The following ZNF138 variants were observed in gnomAD, a reference collection of about 807,000 sequenced individuals.
ZNF138 encodes zinc finger protein 138, also known as zinc finger protein 138 (clone pHZ-32).
Under a neutral mutation model 33.0 loss-of-function variants are expected in ZNF138, and 33 were observed. That is an observed-to-expected ratio of 1.00 (90% CI 0.76 to 1.34). ZNF138 has a LOEUF of 1.34. ZNF138 is among the 40% of genes most tolerant of loss of function. The pLI, the probability that ZNF138 is intolerant of heterozygous loss-of-function variation, is 0.00. For missense variants in ZNF138, 360 were observed against 370.8 expected, an observed-to-expected ratio of 0.97 and a Z score of 0.24; for synonymous variants, 139 against 120.4, an observed-to-expected ratio of 1.15 and a Z score of -1.01.
Position 64,831,552 on chromosome 7 carries a change from A to G in ZNF138, c.310A>G (p.Asn104Asp). The G allele has an allele frequency of 1.9e-6, 3 of 1,613,666 alleles. No homozygotes were observed. Among genetic ancestry groups the G allele is most frequent in the Non-Finnish European group, 1.7e-6 (2 of 1,179,836 alleles). ...LSRYGKYGHKNLQLRKGCKSV... is the reference protein window; with the variant it reads ...LSRYGKYGHKDLQLRKGCKSV... ...CAGATATGGAAAATATGGACATAAG[A>G]ATTTACAGTTAAGAAAAGGCTGTAA... The change falls in exon 4 of 4, where the codon AAT becomes GAT. Residue 104 changes from asparagine (N) to aspartate (D), a missense_variant. Asn to Asp is a conservative substitution (Grantham distance 23, BLOSUM62 1). Transcript: ENST00000307355.
chr7:64,845,023 C>T, the ZNF138 span, among the ~76,000 whole-genome samples: 5 of 152,266 alleles, frequency 3.3e-5, no homozygotes, highest in South Asian at 4.1e-4. Flanking sequence ...GATTTTGGTG[C>T]ACCCATCACC....
intron 3 of ZNF138, among the ~76,000 whole-genome samples, chr7:64,822,798 C>T (rs1223687795): frequency 6.6e-5 from 10 of 151,970 alleles, no homozygotes; most frequent in African/African-American, 1.7e-4. Flanking sequence ...AAAAAGATTG[C>T]GCTATTAGAA....
the ZNF138 span, among the ~76,000 whole-genome samples, chr7:64,848,267 G>T: frequency 6.6e-6 from 1 of 151,924 alleles, no homozygotes; most frequent in African/African-American, 2.4e-5. Context: ...TCTCTTTCTC[G>T]TCAGAAACAC....
At chr7:64,800,796 G>A (rs865814415) in intron 1 of ZNF138, among the ~76,000 whole-genome samples, 5 of 152,202 alleles carry the variant, frequency 3.3e-5, no homozygotes, top group Middle Eastern at 3.4e-3. Flanking sequence ...GAATTTAGCT[G>A]TGGATGTCTC....
At chr7:64,823,248 T>C (rs1475429991) in intron 3 of ZNF138, among the ~76,000 whole-genome samples, 1 of 152,210 alleles carries the variant, frequency 6.6e-6, no homozygotes, top group Non-Finnish European at 1.5e-5. Flanking sequence ...TATATATTTT[T>C]AGATTTTCCA....
the ZNF138 span, among the ~76,000 whole-genome samples, chr7:64,846,052 G>T: frequency 1.3e-5 from 2 of 152,152 alleles, no homozygotes; most frequent in Non-Finnish European, 2.9e-5. Flanking sequence ...TGTTTGCTTT[G>T]TCAAAGATCA....
chr7:64,826,000 G>GT (rs1264683803), intron 3 of ZNF138, among the ~76,000 whole-genome samples: 12 of 152,024 alleles, frequency 7.9e-5, no homozygotes, highest in African/African-American at 2.9e-4. Flanking sequence ...CACCCAGCTA[G>GT]TTATTTATGT....
chr7:64,831,750 AAAG>A lies in ZNF138; in HGVS notation c.511_513del (p.Glu171del). The A allele has an allele frequency of 6.2e-7, 1 of 1,613,728 alleles. No homozygotes were observed. Among genetic ancestry groups the A allele is most frequent in the East Asian group, 2.2e-5 (1 of 44,852 alleles). ...TACTGAAAATAAACATTTCAGATGT[AAAG>A]AATGTGACAAATCACTTTGCATGCT... On this transcript the variant is annotated inframe_deletion, in exon 4 of 4. Transcript: ENST00000307355.
At chr7:64,797,293 G>A (rs1395034579) in intron 1 of ZNF138, among the ~76,000 whole-genome samples, 1 of 151,946 alleles carries the variant, frequency 6.6e-6, no homozygotes, top group Non-Finnish European at 1.5e-5. Flanking sequence ...ATTTTTAATG[G>A]ATATAATAAA....
intron 3 of ZNF138, among the ~76,000 whole-genome samples, chr7:64,830,432 T>G (rs575562931): frequency 1.3e-5 from 2 of 152,230 alleles, no homozygotes; most frequent in South Asian, 4.1e-4. Flanking sequence ...ACTAGTGGAG[T>G]ATTATTCAAT....
the ZNF138 span, among the ~76,000 whole-genome samples, chr7:64,840,640 T>C: frequency 3.9e-5 from 6 of 152,180 alleles, no homozygotes; most frequent in African/African-American, 1.2e-4. Flanking sequence ...GACTACAGGG[T>C]CATTTTTATG....
At chr7:64,830,033 G>A (rs1437318179) in intron 3 of ZNF138, among the ~76,000 whole-genome samples, 5 of 152,192 alleles carry the variant, frequency 3.3e-5, no homozygotes, top group Non-Finnish European at 7.4e-5. Flanking sequence ...CAGTTTTGCT[G>A]CTGGTATTAT....
intron 3 of ZNF138, among the ~76,000 whole-genome samples, chr7:64,826,164 A>G (rs1789595467): frequency 6.6e-6 from 1 of 152,182 alleles, no homozygotes. Context: ...GTTTAAAGAA[A>G]GGAAATTAGT....
chr7:64,838,154 TG>T (rs60823206), downstream of ZNF138, among the ~76,000 whole-genome samples: 42,181 of 152,086 alleles, frequency 0.28, 7,182 homozygotes, highest in Non-Finnish European at 0.37. Context: ...TTCCCAAGTC[TG>T]GGCCTCTTCA....
Position 64,832,620 on chromosome 7 carries a change from TCA to T in ZNF138, c.*422_*423del. ...ATGTGGCAAAGCTTTTAACCAGTCC[TCA>T]CACCTTATGAGACATAAGAAAATTC... On this transcript the variant is annotated 3_prime_UTR_variant, in exon 4 of 4. Coordinates refer to ENST00000307355, the MANE Select transcript of ZNF138 (RefSeq NM_001271639.2). 4.1e-6 allele frequency: 2 copies of T among 489,420 alleles called. No homozygotes were observed. Among genetic ancestry groups the T allele is most frequent in the Non-Finnish European group, 7.9e-6 (2 of 252,494 alleles). 30.3% of individuals were successfully genotyped at this position (489,420 alleles called of 1,614,324 possible).
the ZNF138 span, among the ~76,000 whole-genome samples, chr7:64,842,236 G>T: frequency 6.6e-6 from 1 of 152,236 alleles, no homozygotes; most frequent in African/African-American, 2.4e-5. Flanking sequence ...GCTAATTTTT[G>T]TATTTTTAGT....
intron 3 of ZNF138, among the ~76,000 whole-genome samples, chr7:64,821,035 G>GTT (rs71061313): frequency 0.49 from 71,002 of 145,818 alleles, 17,872 homozygotes; most frequent in Admixed American, 0.56. Flanking sequence ...TGAGGTGATT[G>GTT]TTTTTTTTTG....
downstream of ZNF138, among the ~76,000 whole-genome samples, chr7:64,834,511 C>T (rs181156385): frequency 8.4e-4 from 128 of 152,030 alleles, no homozygotes; most frequent in Non-Finnish European, 1.5e-3. Flanking sequence ...ATACTTTTTT[C>T]CTTGAAAAAA....
Position 64,815,689 on chromosome 7 carries a change from G to A in ZNF138, c.208+36G>A, listed in dbSNP as rs549218075. 2.3e-5 allele frequency: 37 copies of A among 1,580,180 alleles called. 1 individual carries two copies. In the South Asian group the frequency reaches 4.2e-4, roughly 18 times the overall value. On this transcript the variant is annotated intron_variant, in intron 3 of 3. Coordinates refer to ENST00000307355, the MANE Select transcript of ZNF138 (RefSeq NM_001271639.2). ...GTGAATACACAGATGGCACAGATGAGAGGTCAAAGGCCAAGGAGAAGACCA... is the reference window on the plus strand; with the variant it reads ...GTGAATACACAGATGGCACAGATGAAAGGTCAAAGGCCAAGGAGAAGACCA...
Sources: allele counts gnomAD v4.1 joint callset (sites outside exome capture counted in the v4.1 genomes callset), GRCh38; gene constraint gnomAD v4.1.1; transcripts MANE v1.5; gene names NCBI Gene and HGNC (gene_info 2026-07-23, HGNC 2026-07-21).